Variants in ASH1L observed in about 807,000 individuals in gnomAD.
The protein encoded by ASH1L is ASH1 like histone lysine methyltransferase.
ASH1L carries 23 observed loss-of-function variants against 269.0 expected under a neutral mutation model. The observed-to-expected ratio is 0.09, with a 90% CI of 0.06 to 0.12. The LOEUF (loss-of-function observed/expected upper bound fraction) is 0.12. ASH1L is among the 10% of genes least tolerant of loss of function. The probability of loss-of-function intolerance (pLI) is 1.00; values close to 1 mark genes in which losing one functional copy is unlikely to be tolerated. For synonymous variants in ASH1L, 1,187 were observed against 1,253.5 expected, an observed-to-expected ratio of 0.95 and a Z score of 1.12; for missense variants, 2,912 against 3,567.8, an observed-to-expected ratio of 0.82 and a Z score of 4.68.
At chr1:155,417,958 CAAA>C (rs766819389) in intron 5 of ASH1L, among the ~76,000 whole-genome samples, 4 of 87,682 alleles carry the variant, frequency 4.6e-5, no homozygotes, top group Admixed American at 2.5e-4. Flanking sequence ...AACTCCGTCT[CAAA>C]AAAAAAAAAA....
Position 155,346,442 on chromosome 1 carries a change from C to A in ASH1L, c.7831G>T (p.Val2611Leu). Residue 2611 changes from valine to leucine, a missense_variant, in exon 21 of 28, where the codon GTG becomes TTG. By Grantham distance (32) the Val-to-Leu change is conservative. This residue lies in a region of ASH1L where 179 missense variants were observed against 293.8 expected (regional missense o/e 0.61). Transcript: ENST00000392403. ...MVWQHCDCMG[V>L]NSDVEHYLCE... ...AGGTAGTGCTCCACATCTGAGTTCACTCCCATACAATCACAGTGCTGCCAT... is the reference window on the plus strand; with the variant it reads ...AGGTAGTGCTCCACATCTGAGTTCAATCCCATACAATCACAGTGCTGCCAT... The A allele has an allele frequency of 6.2e-7, 1 of 1,614,088 alleles. No homozygotes were observed. Among genetic ancestry groups the A allele is most frequent in the Non-Finnish European group, 8.5e-7 (1 of 1,179,968 alleles).
chr1:155,498,314 T>C (rs1570989078), intron 2 of ASH1L, among the ~76,000 whole-genome samples: 1 of 152,012 alleles, frequency 6.6e-6, no homozygotes, highest in Admixed American at 6.6e-5. Flanking sequence ...GAACGGATGG[T>C]GAGGGCTGCA....
At chr1:155,387,233 C>G (rs539579513) in intron 7 of ASH1L, among the ~76,000 whole-genome samples, 20 of 152,310 alleles carry the variant, frequency 1.3e-4, no homozygotes, top group African/African-American at 4.8e-4. Flanking sequence ...CTCAGCCTCC[C>G]AAAGTGCTGG....
intron 1 of ASH1L, among the ~76,000 whole-genome samples, chr1:155,540,785 G>A (rs998498657): frequency 6.6e-6 from 1 of 151,724 alleles, no homozygotes; most frequent in Non-Finnish European, 1.5e-5. Context: ...AACAACAACA[G>A]GAAACAACAA....
chr1:155,349,136 CTATCAATGTCTTCA>C (rs1394443580), intron 19 of ASH1L, among the ~76,000 whole-genome samples, 177 bp downstream of exon 19: 2 of 151,888 alleles, frequency 1.3e-5, no homozygotes. Flanking sequence ...CATTCTAGTC[CTATCAATGTCTTCA>C]TAGATAGCCT....
chr1:155,425,300 C>T (rs536748126), intron 5 of ASH1L, among the ~76,000 whole-genome samples: 1 of 132,722 alleles, frequency 7.5e-6, no homozygotes, highest in South Asian at 2.5e-4. Flanking sequence ...TTTTTTGAGA[C>T]AGAGTCTTCC....
At chr1:155,529,347 GCAT>G (rs1430955207) in intron 1 of ASH1L, among the ~76,000 whole-genome samples, 1 of 134,768 alleles carries the variant, frequency 7.4e-6, no homozygotes, top group Non-Finnish European at 1.6e-5. Flanking sequence ...AACCTTGCCA[GCAT>G]CTTTTTTTTT....
intron 6 of ASH1L, among the ~76,000 whole-genome samples, chr1:155,398,426 C>T (rs1183586606): frequency 6.6e-6 from 1 of 152,138 alleles, no homozygotes; most frequent in East Asian, 1.9e-4. Context: ...ATATTGCAGG[C>T]AGTTGTAACA....
At position 155,536,038 on chromosome 1, in the gene ASH1L, T is replaced by C. The variant is rs117798660; in HGVS notation, c.-99-14420A>G. ...AAAGAAAAAAATTTATAGCACATTATTCATTTAAATTTGTGCTGGGCTTCA... is the reference window on the plus strand; with the variant it reads ...AAAGAAAAAAATTTATAGCACATTACTCATTTAAATTTGTGCTGGGCTTCA... On this transcript the variant is annotated intron_variant, in intron 1 of 27. Transcript: ENST00000392403. Among the ~76,000 whole-genome samples, 17 of 152,220 alleles carry C rather than the reference T, an allele frequency of 1.1e-4. 1 individual carries two copies. In the East Asian group the frequency reaches 3.1e-3, roughly 28 times the overall value.
At chr1:155,490,769 C>T (rs1666720437) in intron 2 of ASH1L, among the ~76,000 whole-genome samples, 1 of 151,876 alleles carries the variant, frequency 6.6e-6, no homozygotes, top group African/African-American at 2.4e-5. Context: ...CTACCCTGTG[C>T]AACACAGGGA....
intron 6 of ASH1L, among the ~76,000 whole-genome samples, chr1:155,413,256 A>G (rs1179125722): frequency 2.0e-5 from 3 of 152,086 alleles, no homozygotes; most frequent in Non-Finnish European, 4.4e-5. Context: ...AAGTGTGGCT[A>G]TGCAATTTAA....
At chr1:155,411,105 G>T (rs543516105) in intron 6 of ASH1L, among the ~76,000 whole-genome samples, 1 of 152,250 alleles carries the variant, frequency 6.6e-6, no homozygotes, top group South Asian at 2.1e-4. Context: ...GGCAGGTTGT[G>T]TGTATGAAGA....
At chr1:155,528,015 G>A (rs1184167140) in intron 1 of ASH1L, among the ~76,000 whole-genome samples, 1 of 152,066 alleles carries the variant, frequency 6.6e-6, no homozygotes, top group Non-Finnish European at 1.5e-5. Context: ...CAGTCTTACG[G>A]CTTTAAATTT....
At chr1:155,434,217 C>T in intron 5 of ASH1L, 1 of 1,598,982 alleles carries the variant, frequency 6.3e-7, no homozygotes, top group Admixed American at 1.7e-5. Flanking sequence ...GAAGCCTTTC[C>T]CCCGTCTCCG....
chr1:155,378,700 C>A, intron 8 of ASH1L, 152 bp from the exon 9 acceptor site: 1 of 635,404 alleles, frequency 1.6e-6, no homozygotes, highest in East Asian at 2.7e-5. Flanking sequence ...TTGAGGGAAA[C>A]TCTTGGTGTG....
chr1:155,434,952 GT>G (rs1661964595), intron 5 of ASH1L, among the ~76,000 whole-genome samples: 1 of 152,176 alleles, frequency 6.6e-6, no homozygotes, highest in Non-Finnish European at 1.5e-5. Flanking sequence ...GAGGTCAGGA[GT>G]TCAAGACCAG....
rs545296801 is a variant in ASH1L at position 155,512,434 on chromosome 1, C to T, written c.420+8666G>A. Among the ~76,000 whole-genome samples the T allele has an allele frequency of 3.1e-3, 420 of 137,334 alleles. 1 individual carries two copies. Among genetic ancestry groups the T allele is most frequent in the Non-Finnish European group, 4.7e-3 (299 of 63,826 alleles). The allele number at this position is 137,334 out of a possible 152,430, so 90.1% of individuals were successfully genotyped here. A position where few individuals can be genotyped will look rare whatever the true frequency, so the allele number is the denominator to read the frequency against. On this transcript the variant is annotated intron_variant, in intron 2 of 27. Coordinates refer to ENST00000392403, the MANE Select transcript of ASH1L (RefSeq NM_018489.3). ...TCTGTCTTTTAAAAAAAAAGAAAGGCAAAGGATCTTAGACTTTTTTTTTTT... is the reference window on the plus strand; with the variant it reads ...TCTGTCTTTTAAAAAAAAAGAAAGGTAAAGGATCTTAGACTTTTTTTTTTT...
chr1:155,474,709 G>GAA (rs903380595), intron 3 of ASH1L, among the ~76,000 whole-genome samples: 2 of 143,760 alleles, frequency 1.4e-5, no homozygotes, highest in East Asian at 2.0e-4. Flanking sequence ...AAAAACAAAA[G>GAA]AAAAAAAAAA....
At chr1:155,499,356 A>G (rs1328152906) in intron 2 of ASH1L, among the ~76,000 whole-genome samples, 2 of 152,154 alleles carry the variant, frequency 1.3e-5, no homozygotes, top group East Asian at 3.8e-4. Context: ...CCCAACATGA[A>G]AAACCACTGC....
Sources: gnomAD v4.1 joint callset for allele counts (sites outside exome capture counted in the v4.1 genomes callset) on GRCh38, gnomAD v4.1.1 for gene constraint, gnomAD v4.1.1 regional missense constraint, MANE v1.5 for transcripts, NCBI Gene and HGNC (gene_info 2026-07-23, HGNC 2026-07-21) for gene names.